SEC14L1: variants seen among roughly 807,000 people sequenced by gnomAD.
SEC14L1 encodes the protein SEC14 like lipid binding 1, also known as SEC14-like protein 1.
SEC14L1 carries 48 observed loss-of-function variants against 85.3 expected under a neutral mutation model. That is an observed-to-expected ratio of 0.56 (90% CI 0.45 to 0.72). SEC14L1 has a LOEUF of 0.72. SEC14L1 is among the 30% of genes least tolerant of loss of function. SEC14L1 has a pLI of 0.00. For synonymous variants in SEC14L1, 391 were observed against 355.5 expected (o/e 1.10, Z -1.12); for missense variants, 682 against 921.4 (o/e 0.74, Z 3.36).
rs1481088520 is a variant in SEC14L1, at chr17:77,216,214, AGTAGGTAGGGTTC to A, written c.*2243_*2255del. 4.3e-4 allele frequency: 423 copies of A among 984,522 alleles called. 12 individuals carry two copies. In the South Asian group the frequency reaches 6.3e-3, roughly 15 times the overall value. The allele number at this position is 984,522 out of a possible 1,614,324, so 61.0% of individuals were successfully genotyped here. On this transcript the variant is annotated 3_prime_UTR_variant, in exon 17 of 17. Transcript: ENST00000436233. ...GTAGGTAGGGCTAGTAGGTAGGGCT[AGTAGGTAGGGTTC>A]GTAGGTAGGGTTCGTAGGTAGGGTT...
At chr17:77,186,049 T>C (rs1362044904) in intron 3 of SEC14L1, among the ~76,000 whole-genome samples, 1 of 152,240 alleles carries the variant, frequency 6.6e-6, no homozygotes, top group African/African-American at 2.4e-5. Context: ...TATAATTGGC[T>C]ACCACATGTG....
In SEC14L1 at chr17:77,216,488, C is replaced by A. The variant is rs374265632; in HGVS notation, c.*2465C>A. The A allele has an allele frequency of 1.9e-6, 3 of 1,612,512 alleles. No individual in the cohort carries two copies. Among genetic ancestry groups the A allele is most frequent in the South Asian group, 2.2e-5 (2 of 91,032 alleles). ...CTGCTTCCACCTGGTGCTTCCTGTT[C>A]CCAAATCACAAGGGCCTGAAGGTGG... On this transcript the variant is annotated 3_prime_UTR_variant, in exon 17 of 17. Coordinates refer to ENST00000436233, the MANE Select transcript of SEC14L1 (RefSeq NM_001143998.2).
chr17:77,179,077 T>A (rs1232916042), intron 3 of SEC14L1, among the ~76,000 whole-genome samples: 1 of 152,218 alleles, frequency 6.6e-6, no homozygotes, highest in African/African-American at 2.4e-5. Context: ...ATATCATGTC[T>A]GGAACTCTTG....
At chr17:77,129,377 C>T (rs1411447332) in intron 3 of SEC14L1, among the ~76,000 whole-genome samples, 1 of 152,070 alleles carries the variant, frequency 6.6e-6, no homozygotes, top group Non-Finnish European at 1.5e-5. Context: ...ACAGGTCCTG[C>T]CAACGTGGGG....
chr17:77,214,094 C>T lies in SEC14L1; in HGVS notation c.*71C>T, dbSNP rs62078340. 0.017 allele frequency: 26,393 copies of T among 1,561,058 alleles called. 313 individuals are homozygous for T. The highest frequency in any genetic ancestry group is 0.019 in the Non-Finnish European group (21,732 of 1,153,480). ...CCTCGGACAGCCAGCTGCACCCGCC[C>T]ACCCAGCGGCGACATTGTACAGACT... On this transcript the variant is annotated 3_prime_UTR_variant, in exon 17 of 17. Transcript: ENST00000436233.
chr17:77,160,036 CA>C (rs1280206669), intron 3 of SEC14L1, among the ~76,000 whole-genome samples: 6 of 152,174 alleles, frequency 3.9e-5, no homozygotes, highest in Non-Finnish European at 8.8e-5. Flanking sequence ...TTAAGTGCTT[CA>C]AGGTCTATGA....
intron 14 of SEC14L1, chr17:77,209,786 C>CTT (rs1346462214): frequency 8.2e-6 from 2 of 243,662 alleles, no homozygotes; most frequent in African/African-American, 4.5e-5. Flanking sequence ...TGTTGGAGCA[C>CTT]TTAACTCCTG....
At position 77,212,145 on chromosome 17, in the gene SEC14L1, C is replaced by G. The variant is rs369232367; in HGVS notation, c.1807C>G (p.Arg603Gly). 18 of 1,613,940 alleles carry G rather than the reference C, an allele frequency of 1.1e-5. No individual in the cohort carries two copies. Among genetic ancestry groups the G allele is most frequent in the African/African-American group, 2.7e-5 (2 of 74,914 alleles). ...CATAGACAAAGTCTGGCAGCTGGGC[C>G]GCGACTACAGCATGGTGGAGTCGCC... Reference protein sequence around the residue: ...QLIDKVWQLGRDYSMVESPLI... With the variant: ...QLIDKVWQLGGDYSMVESPLI... Residue 603 changes from arginine (R) to glycine (G), a missense_variant, in exon 15 of 17, where the codon CGC becomes GGC. Arg to Gly is a moderately radical substitution (Grantham distance 125). Transcript: ENST00000436233.
chr17:77,207,721 G>A (rs1976538528), intron 13 of SEC14L1, among the ~76,000 whole-genome samples: 1 of 152,078 alleles, frequency 6.6e-6, no homozygotes, highest in South Asian at 2.1e-4. Context: ...CAAAGTGCCG[G>A]GATTACAGGC....
chr17:77,170,362 T>C (rs377528022), intron 3 of SEC14L1, among the ~76,000 whole-genome samples: 5 of 152,282 alleles, frequency 3.3e-5, no homozygotes, highest in Admixed American at 1.3e-4. Context: ...TTTCAGTTTT[T>C]AGAAGTACTA....
At chr17:77,166,947 T>C (rs1049388953) in intron 3 of SEC14L1, among the ~76,000 whole-genome samples, 6 of 152,334 alleles carry the variant, frequency 3.9e-5, no homozygotes, top group South Asian at 2.1e-4. Context: ...TCTCCATATA[T>C]ACATGTTGGT....
At chr17:77,211,815 C>G (rs1181522016) in intron 14 of SEC14L1, 135 bp from the exon 15 acceptor site, 2 of 1,090,636 alleles carry the variant, frequency 1.8e-6, no homozygotes, top group East Asian at 4.7e-5. Flanking sequence ...GAAAGAGATC[C>G]GTCCATACGC....
chr17:77,151,700 A>G (rs1419859977), intron 3 of SEC14L1, among the ~76,000 whole-genome samples: 2 of 152,130 alleles, frequency 1.3e-5, no homozygotes, highest in Non-Finnish European at 2.9e-5. Context: ...ACCCAGTTTC[A>G]ATGTTACCAG....
chr17:77,200,661 C>T lies in SEC14L1; in HGVS notation c.997C>T (p.His333Tyr). 6.2e-7 allele frequency: 1 copy of T among 1,612,742 alleles called. No homozygotes were observed. Among genetic ancestry groups the T allele is most frequent in the Non-Finnish European group, 8.5e-7 (1 of 1,179,440 alleles). The change falls in exon 9 of 17, where the codon CAT becomes TAT. Residue 333 changes from histidine to tyrosine, a missense_variant. This residue lies in a region of SEC14L1 where 420 missense variants were observed against 619.5 expected (regional missense o/e 0.68). Transcript: ENST00000436233. ...LQDYYAGGWH[H>Y]HDKDGRPLYV... ...GGATTACTACGCGGGAGGCTGGCAT[C>T]ATCACGACAAAGGTACCGGATGGAG... is the stretch of plus-strand genomic sequence containing the variant.
At chr17:77,123,024 C>T (rs2143409130) in intron 3 of SEC14L1, among the ~76,000 whole-genome samples, 1 of 151,962 alleles carries the variant, frequency 6.6e-6, no homozygotes, top group South Asian at 2.1e-4. Flanking sequence ...TTTCTGGTGT[C>T]TCCTTTTTTG....
intron 3 of SEC14L1, among the ~76,000 whole-genome samples, chr17:77,184,171 A>C (rs978122797): frequency 6.6e-6 from 1 of 152,202 alleles, no homozygotes; most frequent in Non-Finnish European, 1.5e-5. Flanking sequence ...CTTCCGCTGC[A>C]TCACGCCAGG....
chr17:77,202,480 G>A (rs1001039212), intron 9 of SEC14L1, among the ~76,000 whole-genome samples: 6 of 152,204 alleles, frequency 3.9e-5, no homozygotes, highest in South Asian at 2.1e-4. Context: ...TTAGCTGGGC[G>A]TGGTGGCACA....
chr17:77,196,900 C>T (rs550973717), intron 8 of SEC14L1, among the ~76,000 whole-genome samples: 2 of 152,298 alleles, frequency 1.3e-5, no homozygotes, highest in South Asian at 2.1e-4. Context: ...TGATGGCCAC[C>T]GTTTGTTGTC....
At chr17:77,136,793 G>A (rs1441911150), upstream of SEC14L1, among the ~76,000 whole-genome samples, 2 of 152,184 alleles carry the variant, frequency 1.3e-5, no homozygotes. Context: ...CAACACAGAA[G>A]GGGCCCGTGT....
Sources: gnomAD v4.1 joint callset for allele counts (sites outside exome capture counted in the v4.1 genomes callset) on GRCh38, gnomAD v4.1.1 for gene constraint, gnomAD v4.1.1 regional missense constraint, MANE v1.5 for transcripts, NCBI Gene and HGNC (gene_info 2026-07-23, HGNC 2026-07-21) for gene names.